The following KCNA2 variants were observed in gnomAD, a reference collection of about 807,000 sequenced individuals.
KCNA2 encodes potassium voltage-gated channel subfamily A member 2, also known as potassium channel, voltage gated shaker related subfamily A, member 2.
In KCNA2, 11 loss-of-function variants were observed where a neutral mutation model predicts 33.4. That is an observed-to-expected ratio of 0.33 (90% CI 0.21 to 0.55). The LOEUF is 0.55. Ranked by LOEUF, KCNA2 falls within the 20% of genes least tolerant of loss-of-function variation. KCNA2 has a pLI of 0.93. For missense variants in KCNA2, 291 were observed against 621.6 expected (o/e 0.47, Z 5.66); for synonymous variants, 222 against 231.3 (o/e 0.96, Z 0.37).
intron 1 of KCNA2, among the ~76,000 whole-genome samples, chr1:110,613,220 C>T (rs191219502): frequency 6.6e-6 from 1 of 152,344 alleles, no homozygotes; most frequent in Admixed American, 6.5e-5. Context: ...ACATCCTCCA[C>T]GAAGCCTTTC....
chr1:110,594,635 G>C lies in KCNA2; in HGVS notation c.*8648C>G, dbSNP rs1041837884. ...ATCATGGGACTTTCCAGCTTCCTGG[G>C]GCCCTTCAAATGAAGGAACCATCCA... On this transcript the variant is annotated 3_prime_UTR_variant, in exon 3 of 3. Transcript: ENST00000316361. The C allele has an allele frequency of 5.5e-5, 54 of 985,296 alleles. No homozygotes were observed. Among genetic ancestry groups the C allele is most frequent in the Middle Eastern group, 5.2e-4 (1 of 1,914 alleles). 61.0% of individuals were successfully genotyped at this position (985,296 alleles called of 1,614,324 possible). A position where few individuals can be genotyped will look rare whatever the true frequency, so the allele number is the denominator to read the frequency against.
Position 110,598,433 on chromosome 1 carries a change from TGCTGA to T in KCNA2, c.*4845_*4849del, listed in dbSNP as rs1649196102. 1 of 985,294 alleles carries T rather than the reference TGCTGA, an allele frequency of 1.0e-6. No homozygotes were observed. The highest frequency in any genetic ancestry group is 6.1e-5 in the Admixed American group (1 of 16,266). 61.0% of individuals were successfully genotyped at this position (985,294 alleles called of 1,614,324 possible). A position where few individuals can be genotyped will look rare whatever the true frequency, so the allele number is the denominator to read the frequency against. On this transcript the variant is annotated 3_prime_UTR_variant, in exon 3 of 3. Coordinates refer to ENST00000316361, the MANE Select transcript of KCNA2 (RefSeq NM_004974.4). ...TCTGTGACTCTACTACTGTGGGCAG[TGCTGA>T]ATCCCCAGCCTGAGGAGCTTCAGAG...
intron 1 of KCNA2, among the ~76,000 whole-genome samples, chr1:110,617,362 A>G (rs143453753): frequency 0.011 from 1,635 of 152,300 alleles, 33 homozygotes; most frequent in African/African-American, 0.038. Context: ...GTGGGAGGAC[A>G]TGGTAAAATG....
At position 110,598,486 on chromosome 1, in the gene KCNA2, G is replaced by C; in HGVS notation, c.*4797C>G. 3 of 985,248 alleles carry C rather than the reference G, an allele frequency of 3.0e-6. No homozygotes were observed. Among genetic ancestry groups the C allele is most frequent in the Non-Finnish European group, 3.6e-6 (3 of 829,884 alleles). 61.0% of individuals were successfully genotyped at this position (985,248 alleles called of 1,614,324 possible). A position where few individuals can be genotyped will look rare whatever the true frequency, so the allele number is the denominator to read the frequency against. Reference sequence around the variant, plus strand: ...GAGGGTGCTGTCCTCTCTCCACATGGGTTGATACTGATAGAGTCCTCACTA... The same window carrying C: ...GAGGGTGCTGTCCTCTCTCCACATGCGTTGATACTGATAGAGTCCTCACTA... On this transcript the variant is annotated 3_prime_UTR_variant, in exon 3 of 3. Transcript: ENST00000316361.
Position 110,596,737 on chromosome 1 carries a change from C to T in KCNA2, c.*6546G>A. On this transcript the variant is annotated 3_prime_UTR_variant, in exon 3 of 3. Coordinates refer to ENST00000316361, the MANE Select transcript of KCNA2 (RefSeq NM_004974.4). Reference sequence around the variant, plus strand: ...CAAAGGTTGAACCAGACATGCTTTCCCATTCCCACTCAAATAACCAAAATT... The same window carrying T: ...CAAAGGTTGAACCAGACATGCTTTCTCATTCCCACTCAAATAACCAAAATT... 1 of 985,448 alleles carries T rather than the reference C, an allele frequency of 1.0e-6. No homozygotes were observed. Among genetic ancestry groups the T allele is most frequent in the Non-Finnish European group, 1.2e-6 (1 of 829,908 alleles). The allele number at this position is 985,448 out of a possible 1,614,324, so 61.0% of individuals were successfully genotyped here. A position where few individuals can be genotyped will look rare whatever the true frequency, so the allele number is the denominator to read the frequency against.
At position 110,597,634 on chromosome 1, in the gene KCNA2, A is replaced by G; in HGVS notation, c.*5649T>C. 2 of 985,464 alleles carry G rather than the reference A, an allele frequency of 2.0e-6. No homozygotes were observed. The highest frequency in any genetic ancestry group is 2.4e-6 in the Non-Finnish European group (2 of 829,952). The allele number at this position is 985,464 out of a possible 1,614,324, so 61.0% of individuals were successfully genotyped here. On this transcript the variant is annotated 3_prime_UTR_variant, in exon 3 of 3. Coordinates refer to ENST00000316361, the MANE Select transcript of KCNA2 (RefSeq NM_004974.4). ...GGAGGTCAGATCTCAAGAGGACAGG[A>G]GTCATGTGAACACGTGGGAAGAAGA...
Position 110,594,565 on chromosome 1 carries a change from G to A in KCNA2, c.*8718C>T, listed in dbSNP as rs1649014611. 1.0e-6 allele frequency: 1 copy of A among 985,272 alleles called. No individual in the cohort carries two copies. The highest frequency in any genetic ancestry group is 1.2e-6 in the Non-Finnish European group (1 of 829,948). The allele number at this position is 985,272 out of a possible 1,614,324, so 61.0% of individuals were successfully genotyped here. ...GCAGGGATGCAGAAAACCAGGAAGA[G>A]GCCAATTTGGCTGGGGTATTGTTTG... is the stretch of plus-strand genomic sequence containing the variant. On this transcript the variant is annotated 3_prime_UTR_variant, in exon 3 of 3. Coordinates refer to ENST00000316361, the MANE Select transcript of KCNA2 (RefSeq NM_004974.4).
intron 1 of KCNA2, among the ~76,000 whole-genome samples, chr1:110,630,009 C>CTTTTTTTTTT (rs372364243): frequency 2.6e-5 from 3 of 115,218 alleles, no homozygotes; most frequent in African/African-American, 3.8e-5. Flanking sequence ...GTGCTCTGTA[C>CTTTTTTTTTT]TTTTTTTTTT....
chr1:110,610,381 G>A (rs1424508192), upstream of KCNA2, among the ~76,000 whole-genome samples: 2 of 152,192 alleles, frequency 1.3e-5, no homozygotes, highest in African/African-American at 4.8e-5. Context: ...TGCTGCCTCT[G>A]CTTGATGCTC....
Position 110,593,732 on chromosome 1 carries a change from AC to A in KCNA2, c.*9550del, listed in dbSNP as rs1648963938. On this transcript the variant is annotated 3_prime_UTR_variant, in exon 3 of 3. Transcript: ENST00000316361. ...TCTATGTACACCCATGATCAGGTGGACAGGCAATGTTCATTGAGGCACATAT... is the reference window on the plus strand; with the variant it reads ...TCTATGTACACCCATGATCAGGTGGAAGGCAATGTTCATTGAGGCACATAT... The A allele has an allele frequency of 3.4e-5, 24 of 711,538 alleles. No homozygotes were observed. The highest frequency in any genetic ancestry group is 5.0e-5 in the Non-Finnish European group (23 of 460,624). 44.1% of individuals were successfully genotyped at this position (711,538 alleles called of 1,614,324 possible). A position where few individuals can be genotyped will look rare whatever the true frequency, so the allele number is the denominator to read the frequency against.
In KCNA2 at chr1:110,602,733, C is replaced by A; in HGVS notation, c.*550G>T. 4.0e-6 allele frequency: 4 copies of A among 992,532 alleles called. No individual in the cohort carries two copies. The highest frequency in any genetic ancestry group is 4.8e-6 in the Non-Finnish European group (4 of 834,634). 61.5% of individuals were successfully genotyped at this position (992,532 alleles called of 1,614,324 possible). A position where few individuals can be genotyped will look rare whatever the true frequency, so the allele number is the denominator to read the frequency against. ...TATGAAACACAAGCCTCCAGAGCATCTACTTGGCAACTGCAATTCACAAAC... is the reference window on the plus strand; with the variant it reads ...TATGAAACACAAGCCTCCAGAGCATATACTTGGCAACTGCAATTCACAAAC... On this transcript the variant is annotated 3_prime_UTR_variant, in exon 3 of 3. Coordinates refer to ENST00000316361, the MANE Select transcript of KCNA2 (RefSeq NM_004974.4).
At chr1:110,613,594 C>T (rs1462551960) in intron 1 of KCNA2, among the ~76,000 whole-genome samples, 1 of 152,144 alleles carries the variant, frequency 6.6e-6, no homozygotes, top group Non-Finnish European at 1.5e-5. Context: ...CTGACTCCTG[C>T]CCAAGAGGCT....
intron 2 of KCNA2, among the ~76,000 whole-genome samples, chr1:110,605,152 T>G (rs550245966): frequency 6.6e-5 from 10 of 152,328 alleles, no homozygotes; most frequent in South Asian, 4.1e-4. Flanking sequence ...ACCTCTGGAA[T>G]GCCCTGCATT....
chr1:110,593,792 C>G lies in KCNA2; in HGVS notation c.*9491G>C, dbSNP rs989902944. 4 of 1,432,010 alleles carry G rather than the reference C, an allele frequency of 2.8e-6. No individual in the cohort carries two copies. The highest frequency in any genetic ancestry group is 3.8e-6 in the Non-Finnish European group (4 of 1,049,846). The allele number at this position is 1,432,010 out of a possible 1,614,324, so 88.7% of individuals were successfully genotyped here. ...ATATGTATAACCTATGTACAAATAT[C>G]AGACCCTACTGACACAGGAACTCTC... is the stretch of plus-strand genomic sequence containing the variant. On this transcript the variant is annotated 3_prime_UTR_variant, in exon 3 of 3. Coordinates refer to ENST00000316361, the MANE Select transcript of KCNA2 (RefSeq NM_004974.4).
Position 110,602,455 on chromosome 1 carries a change from T to C in KCNA2, c.*828A>G, listed in dbSNP as rs1266680041. The C allele has an allele frequency of 6.2e-5, 78 of 1,268,158 alleles. No homozygotes were observed. The highest frequency in any genetic ancestry group is 6.0e-6 in the Non-Finnish European group (6 of 1,004,110). 78.6% of individuals were successfully genotyped at this position (1,268,158 alleles called of 1,614,324 possible). On this transcript the variant is annotated 3_prime_UTR_variant, in exon 3 of 3. Coordinates refer to ENST00000316361, the MANE Select transcript of KCNA2 (RefSeq NM_004974.4). Reference sequence around the variant, plus strand: ...AATTTCACTGCAGTGTCAGTGTAGCTGGGCCACATCAGTGGGAAAGCAGAT... The same window carrying C: ...AATTTCACTGCAGTGTCAGTGTAGCCGGGCCACATCAGTGGGAAAGCAGAT...
At chr1:110,615,448 T>C (rs757855602) in intron 1 of KCNA2, among the ~76,000 whole-genome samples, 2 of 152,222 alleles carry the variant, frequency 1.3e-5, no homozygotes, top group Non-Finnish European at 2.9e-5. Context: ...ACATATTTTC[T>C]GAATTGATTA....
At chr1:110,616,442 C>G (rs963040863) in intron 1 of KCNA2, among the ~76,000 whole-genome samples, 1 of 152,218 alleles carries the variant, frequency 6.6e-6, no homozygotes, top group African/African-American at 2.4e-5. Flanking sequence ...TCTCTTCCAG[C>G]TGCACCTTTC....
In KCNA2 at chr1:110,604,724, T is replaced by C; in HGVS notation, c.59A>G (p.Gln20Arg). ...GTCTGCCTCTGGGTCATAGGTGTCC[T>C]GTGGGTGCCCAGGGAGGGCAGCAGC... is the stretch of plus-strand genomic sequence containing the variant. ...DEAAALPGHP[Q>R]DTYDPEADHE... Residue 20 changes from glutamine (Q) to arginine (R), a missense_variant, in exon 3 of 3, where the codon CAG (glutamine) becomes CGG (arginine). By Grantham distance (43) the Gln-to-Arg change is conservative (BLOSUM62 1). Transcript: ENST00000316361. The surrounding 1 kb of genome is among the most constrained non-coding windows in gnomAD (Gnocchi z 7.6). 1 of 1,614,132 alleles carries C rather than the reference T, an allele frequency of 6.2e-7. No individual in the cohort carries two copies. The highest frequency in any genetic ancestry group is 8.5e-7 in the Non-Finnish European group (1 of 1,180,020).
At chr1:110,622,183 G>T (rs1650275630) in intron 1 of KCNA2, among the ~76,000 whole-genome samples, 1 of 151,988 alleles carries the variant, frequency 6.6e-6, no homozygotes, top group Non-Finnish European at 1.5e-5. Context: ...AGAAATTCAA[G>T]GTTGGTTTAA....
Sources: gnomAD v4.1 joint callset for allele counts (sites outside exome capture counted in the v4.1 genomes callset) on GRCh38, gnomAD v4.1.1 for gene constraint, Gnocchi (gnomAD v3.1) non-coding constraint, MANE v1.5 for transcripts, NCBI Gene and HGNC (gene_info 2026-07-23, HGNC 2026-07-21) for gene names.